Variants in ZACN observed in about 807,000 individuals in gnomAD.
ZACN encodes ligand-gated cation channel ZACN.
Under a neutral mutation model 38.9 loss-of-function variants are expected in ZACN, and 52 were observed. That is an observed-to-expected ratio of 1.34 (90% CI 1.07 to 1.68). The LOEUF is 1.68. Among genes scored for constraint, ZACN ranks in the 40% most tolerant of loss-of-function variants. The pLI is 0.00. For missense variants in ZACN, 559 were observed against 525.6 expected (o/e 1.06, Z -0.62); for synonymous variants, 235 against 227.4 (o/e 1.03, Z -0.30).
chr17:76,082,569 T>A lies in ZACN; in HGVS notation c.1155T>A (p.Phe385Leu), dbSNP rs1323845843. The change falls in exon 9 of 9, where the codon TTT becomes TTA. Residue 385 changes from phenylalanine (F) to leucine (L), a missense_variant. Physicochemically the swap from Phe to Leu is conservative, Grantham distance 22 (BLOSUM62 0). Coordinates refer to ENST00000334586, the MANE Select transcript of ZACN (RefSeq NM_180990.4). ...VVGVLCTQFV[F>L]AGIWMWAACK... Reference sequence around the variant, plus strand: ...GGGTGCTGTGCACCCAATTCGTCTTTGCAGGAATCTGGATGTGGGCAGCGT... The same window carrying A: ...GGGTGCTGTGCACCCAATTCGTCTTAGCAGGAATCTGGATGTGGGCAGCGT... 4 of 1,613,708 alleles carry A rather than the reference T, an allele frequency of 2.5e-6. No individual in the cohort carries two copies. Among genetic ancestry groups the A allele is most frequent in the Non-Finnish European group, 3.4e-6 (4 of 1,179,898 alleles).
At position 76,081,664 on chromosome 17, in the gene ZACN, C is replaced by G; in HGVS notation, c.789C>G (p.Gly263=). 1.2e-6 allele frequency: 2 copies of G among 1,614,150 alleles called. No individual in the cohort carries two copies. Among genetic ancestry groups the G allele is most frequent in the Non-Finnish European group, 1.7e-6 (2 of 1,180,026 alleles). Residue 263 remains glycine, a synonymous_variant, in exon 7 of 9, where the codon GGC becomes GGG. Coordinates refer to ENST00000334586, the MANE Select transcript of ZACN (RefSeq NM_180990.4). ...CCCTCCGGGCCATTGAGCGCATAGG[C>G]TACAAGGTGACATTGCTGCTGAGTT... ...LLPLRAIERI[G]YKVTLLLSYL...
chr17:76,080,602 C>A, intron 5 of ZACN, 178 bp downstream of exon 5: 1 of 889,564 alleles, frequency 1.1e-6, no homozygotes, highest in Non-Finnish European at 1.8e-6. Flanking sequence ...AGGCGGGCAG[C>A]ACCTGCTCTC....
rs776065369 is a variant in ZACN at position 76,079,973 on chromosome 17, C to G, written c.353C>G (p.Pro118Arg). 5.0e-6 allele frequency: 8 copies of G among 1,588,252 alleles called. No individual in the cohort carries two copies. The highest frequency in any genetic ancestry group is 1.1e-5 in the South Asian group (1 of 87,050). ...CTGCCCTGGGAGTCTCTCTGGACAC[C>G]AAGGCTCACCATCCTGGAGGCGTAA... ...ITLPWESLWTPRLTILEALWV... is the reference protein window; with the variant it reads ...ITLPWESLWTRRLTILEALWV... Residue 118 changes from proline (P) to arginine (R), a missense_variant, in exon 4 of 9, where the codon CCA (proline) becomes CGA (arginine). Transcript: ENST00000334586.
In ZACN at chr17:76,082,476, A is replaced by G. The variant is rs144821937; in HGVS notation, c.1062A>G (p.Gly354=). The change falls in exon 9 of 9, where the codon GGA becomes GGG. Residue 354 remains glycine, a synonymous_variant. Coordinates refer to ENST00000334586, the MANE Select transcript of ZACN (RefSeq NM_180990.4). ...GPHPAEEPSR[G]VKGSQRSWPE... ...CTCTCCCCACAGAGCCCTCCAGAGG[A>G]GTAAAGGGGTCACAGAGAAGCTGGC... 6 of 1,612,146 alleles carry G rather than the reference A, an allele frequency of 3.7e-6. No homozygotes were observed. In the Admixed American group the frequency reaches 6.7e-5, roughly 18 times the overall value.
chr17:76,080,459 G>A, intron 5 of ZACN, 35 bp downstream of exon 5: 2 of 1,610,152 alleles, frequency 1.2e-6, no homozygotes, highest in Non-Finnish European at 1.7e-6. Context: ...GGTTGAGGAG[G>A]GGAGGAGGAA....
rs1236273719 is a variant in ZACN at position 76,082,579 on chromosome 17, T to C, written c.1165T>C (p.Trp389Arg). The change falls in exon 9 of 9, where the codon TGG becomes CGG. Residue 389 changes from tryptophan to arginine, a missense_variant. Trp to Arg is a moderately radical substitution (Grantham distance 101). Transcript: ENST00000334586. ...CACCCAATTCGTCTTTGCAGGAATC[T>C]GGATGTGGGCAGCGTGCAAGTCTGA... is the stretch of plus-strand genomic sequence containing the variant. ...LCTQFVFAGI[W>R]MWAACKSDAA... 2.5e-6 allele frequency: 4 copies of C among 1,613,622 alleles called. No homozygotes were observed. In the Admixed American group the frequency reaches 5.0e-5, roughly 20 times the overall value.
At position 76,079,222 on chromosome 17, in the gene ZACN, T is replaced by C. The variant is rs1464782175; in HGVS notation, c.-43T>C. The C allele has an allele frequency of 1.3e-6, 2 of 1,552,466 alleles. No individual in the cohort carries two copies. The highest frequency in any genetic ancestry group is 1.8e-6 in the Non-Finnish European group (2 of 1,141,646). On this transcript the variant is annotated 5_prime_UTR_variant, in exon 1 of 9. Transcript: ENST00000334586. ...AGAGAAGTGACTGGAATAGAGGTTG[T>C]AGCTTAGGCACCGCTGCTCCCTCCA...
chr17:76,081,994 A>AGCCCC lies in ZACN; in HGVS notation c.995_999dup (p.Arg334ProfsTer24), dbSNP rs1292810936. On this transcript the variant is annotated frameshift_variant, in exon 8 of 9. Transcript: ENST00000334586. LOFTEE classifies it high-confidence loss of function. ...TTGGGGCCAAGAGCGGCCCCAGCCC[A>AGCCCC]GCCCCGAGAGGGGAACAGCGAGAGC... 6.2e-7 allele frequency: 1 copy of AGCCCC among 1,612,068 alleles called. No individual in the cohort carries two copies. Among genetic ancestry groups the AGCCCC allele is most frequent in the East Asian group, 2.2e-5 (1 of 44,856 alleles).
At position 76,079,508 on chromosome 17, in the gene ZACN, G is replaced by C; in HGVS notation, c.167G>C (p.Gly56Ala). ...GAAAGCATCCAGATCCCGAACAATG[G>C]GAGTGCGCCCCTGCTCGTGGATGTG... The part of the protein sequence containing the change: ...VQESIQIPNN[G>A]SAPLLVDVRV... The change falls in exon 2 of 9, where the codon GGG (glycine) becomes GCG (alanine). Residue 56 changes from glycine (G) to alanine (A), a missense_variant. Physicochemically the swap from Gly to Ala is moderately conservative, Grantham distance 60 (BLOSUM62 0). Coordinates refer to ENST00000334586, the MANE Select transcript of ZACN (RefSeq NM_180990.4). 1 of 1,614,148 alleles carries C rather than the reference G, an allele frequency of 6.2e-7. No individual in the cohort carries two copies. Among genetic ancestry groups the C allele is most frequent in the Non-Finnish European group, 8.5e-7 (1 of 1,180,022 alleles).
In ZACN at chr17:76,082,622, C is replaced by G; in HGVS notation, c.1208C>G (p.Ala403Gly). 12 of 1,612,960 alleles carry G rather than the reference C, an allele frequency of 7.4e-6. No homozygotes were observed. The highest frequency in any genetic ancestry group is 1.0e-5 in the Non-Finnish European group (12 of 1,179,696). ...ACKSDAAPGEAAPHGRRPRL is the reference protein window; with the variant it reads ...ACKSDAAPGEGAPHGRRPRL ...AAGTCTGACGCAGCCCCTGGAGAGG[C>G]TGCACCCCATGGCAGGCGGCCTAGA... Residue 403 changes from alanine (A) to glycine (G), a missense_variant, in exon 9 of 9, where the codon GCT becomes GGT. By Grantham distance (60) the Ala-to-Gly change is moderately conservative. Transcript: ENST00000334586.
In ZACN at chr17:76,081,589, G is replaced by A. The variant is rs776817661; in HGVS notation, c.714G>A (p.Leu238=). The A allele has an allele frequency of 6.2e-7, 1 of 1,613,862 alleles. No individual in the cohort carries two copies. The highest frequency in any genetic ancestry group is 2.2e-5 in the East Asian group (1 of 44,894). ...NTALKSIIAL[L]VPAEALLLAD... ...CGCTCAAGTCCATCATCGCTCTCTTGGTGCCTGCAGAGGCACTGCTGTTGG... is the reference window on the plus strand; with the variant it reads ...CGCTCAAGTCCATCATCGCTCTCTTAGTGCCTGCAGAGGCACTGCTGTTGG... The change falls in exon 7 of 9, where the codon TTG becomes TTA. Residue 238 remains leucine, a synonymous_variant. Coordinates refer to ENST00000334586, the MANE Select transcript of ZACN (RefSeq NM_180990.4).
At chr17:76,080,055 T>C (rs1019453333) in intron 4 of ZACN, 61 bp downstream of exon 4, 2 of 1,517,318 alleles carry the variant, frequency 1.3e-6, no homozygotes, top group South Asian at 2.4e-5. Context: ...TTCCCCCATC[T>C]ACAACCTAGA....
Position 76,082,002 on chromosome 17 carries a change from G to C in ZACN, c.1001G>C (p.Arg334Thr), listed in dbSNP as rs1567950421. 2 of 1,611,692 alleles carry C rather than the reference G, an allele frequency of 1.2e-6. No individual in the cohort carries two copies. The highest frequency in any genetic ancestry group is 1.7e-6 in the Non-Finnish European group (2 of 1,179,548). Residue 334 changes from arginine to threonine, a missense_variant, in exon 8 of 9, where the codon AGA (arginine) becomes ACA (threonine). Arg to Thr is a moderately conservative substitution (Grantham distance 71). Transcript: ENST00000334586. ...AAGAGCGGCCCCAGCCCAGCCCCGA[G>C]AGGGGAACAGCGAGAGCACGGCAAC... ...GAKSGPSPAPRGEQREHGNPG... is the reference protein window; with the variant it reads ...GAKSGPSPAPTGEQREHGNPG...
Position 76,080,593 on chromosome 17 carries a change from G to A in ZACN, c.544+169G>A, listed in dbSNP as rs558515662. 3.3e-5 allele frequency: 32 copies of A among 983,720 alleles called. No homozygotes were observed. The South Asian group carries it at 3.6e-4, about 11-fold the overall frequency. The allele number at this position is 983,720 out of a possible 1,614,324, so 60.9% of individuals were successfully genotyped here. A position where few individuals can be genotyped will look rare whatever the true frequency, so the allele number is the denominator to read the frequency against. On this transcript the variant is annotated intron_variant, in intron 5 of 8. Transcript: ENST00000334586. ...TTCAGAGCAGTCTACCCCAGGCTTA[G>A]GCGGGCAGCACCTGCTCTCCCACTG...
Position 76,082,065 on chromosome 17 carries a change from G to T in ZACN, c.1048+16G>T. 1 of 1,590,406 alleles carries T rather than the reference G, an allele frequency of 6.3e-7. No individual in the cohort carries two copies. Among genetic ancestry groups the T allele is most frequent in the South Asian group, 1.1e-5 (1 of 88,676 alleles). On this transcript the variant is annotated intron_variant, in intron 8 of 8. Coordinates refer to ENST00000334586, the MANE Select transcript of ZACN (RefSeq NM_180990.4). Reference sequence around the variant, plus strand: ...CCTGCTGAAGGTGGGCAGGGGCTGGGGGGTAAGGAATGAGGCCTAGGTGCA... The same window carrying T: ...CCTGCTGAAGGTGGGCAGGGGCTGGTGGGTAAGGAATGAGGCCTAGGTGCA...
chr17:76,081,749 C>A lies in ZACN; in HGVS notation c.874C>A (p.Leu292Met), dbSNP rs138188092. The A allele has an allele frequency of 1.7e-4, 269 of 1,614,084 alleles. No homozygotes were observed. The African/African-American group carries it at 2.1e-3, about 13-fold the overall frequency. Residue 292 changes from leucine to methionine, a missense_variant, in exon 7 of 9, where the codon CTG becomes ATG. Transcript: ENST00000334586. ...GCCCAGCTCCTCCTCCTGCAACCCA[C>A]TGCTCAGTAAGCCCTGCTCCCTTAC... ...ALPSSSSCNP[L>M]LIYYFTILLL...
chr17:76,082,040 C>T lies in ZACN; in HGVS notation c.1039C>T (p.Pro347Ser). 1.2e-6 allele frequency: 2 copies of T among 1,608,188 alleles called. No homozygotes were observed. The highest frequency in any genetic ancestry group is 4.5e-5 in the East Asian group (2 of 44,582). ...AGAGCACGGCAACCCAGGGCCTCAT[C>T]CTGCTGAAGGTGGGCAGGGGCTGGG... is the stretch of plus-strand genomic sequence containing the variant. ...QREHGNPGPHPAEEPSRGVKG... is the reference protein window; with the variant it reads ...QREHGNPGPHSAEEPSRGVKG... Residue 347 changes from proline (P) to serine (S), a missense_variant, in exon 8 of 9, where the codon CCT becomes TCT. Pro to Ser is a moderately conservative substitution (Grantham distance 74). Coordinates refer to ENST00000334586, the MANE Select transcript of ZACN (RefSeq NM_180990.4).
chr17:76,082,612 C>A lies in ZACN; in HGVS notation c.1198C>A (p.Pro400Thr). The A allele has an allele frequency of 1.2e-6, 2 of 1,613,236 alleles. No homozygotes were observed. The highest frequency in any genetic ancestry group is 8.5e-7 in the Non-Finnish European group (1 of 1,179,782). Residue 400 changes from proline to threonine, a missense_variant, in exon 9 of 9, where the codon CCT (proline) becomes ACT (threonine). Physicochemically the swap from Pro to Thr is conservative, Grantham distance 38 (BLOSUM62 -1). Coordinates refer to ENST00000334586, the MANE Select transcript of ZACN (RefSeq NM_180990.4). ...GGCAGCGTGCAAGTCTGACGCAGCC[C>A]CTGGAGAGGCTGCACCCCATGGCAG... Reference protein sequence around the residue: ...MWAACKSDAAPGEAAPHGRRP... With the variant: ...MWAACKSDAATGEAAPHGRRP...
At chr17:76,080,125 A>G in intron 4 of ZACN, 130 bp from the exon 5 acceptor site, 1 of 1,460,594 alleles carries the variant, frequency 6.8e-7, no homozygotes, top group Admixed American at 2.2e-5. Flanking sequence ...GTGCACCTTC[A>G]CTGCCTCGAA....
Sources: allele counts gnomAD v4.1 joint callset, GRCh38; gene constraint gnomAD v4.1.1; transcripts MANE v1.5; gene names NCBI Gene and HGNC (gene_info 2026-07-23, HGNC 2026-07-21).